Variants in KANSL2 observed in about 807,000 individuals in gnomAD.
The protein encoded by KANSL2 is KAT8 regulatory NSL complex subunit 2.
KANSL2 carries 34 observed loss-of-function variants against 55.6 expected under a neutral mutation model. That is an observed-to-expected ratio of 0.61 (90% CI 0.46 to 0.81). The LOEUF is 0.81. Among genes scored for constraint, KANSL2 ranks in the 40% least tolerant of loss-of-function variants. The pLI is 0.00. For synonymous variants in KANSL2, 209 were observed against 214.3 expected (o/e 0.98, Z 0.22); for missense variants, 502 against 609.9 (o/e 0.82, Z 1.86).
chr12:48,672,216 C>T (rs1939726145), intron 4 of KANSL2, among the ~76,000 whole-genome samples: 2 of 151,730 alleles, frequency 1.3e-5, no homozygotes, highest in South Asian at 4.2e-4. Flanking sequence ...CAGCTATTTG[C>T]ATTATGTTGA....
intron 7 of KANSL2, among the ~76,000 whole-genome samples, chr12:48,665,668 T>G (rs1360824660): frequency 6.6e-6 from 1 of 152,276 alleles, no homozygotes; most frequent in Non-Finnish European, 1.5e-5. Context: ...GTGCTTTTAC[T>G]GCGAAATTTT....
chr12:48,658,492 T>C (rs2081951664), intron 8 of KANSL2: 5 of 152,134 alleles, frequency 3.3e-5, no homozygotes. Flanking sequence ...CGATGTCTCA[T>C]GTCTATAATC....
At chr12:48,681,118 T>TAAA (rs1057233108) in intron 2 of KANSL2, 39 of 131,322 alleles carry the variant, frequency 3.0e-4, no homozygotes, top group African/African-American at 6.0e-4. Flanking sequence ...CCATCTCTCT[T>TAAA]AAAAAAAAAA....
chr12:48,676,953 G>C (rs1216040803), intron 4 of KANSL2, among the ~76,000 whole-genome samples: 1 of 151,970 alleles, frequency 6.6e-6, no homozygotes, highest in Non-Finnish European at 1.5e-5. Context: ...GGTGCCCTAA[G>C]ATAAAAATTC....
At chr12:48,662,410 C>CT in intron 7 of KANSL2, 51 of 910,146 alleles carry the variant, frequency 5.6e-5, no homozygotes, top group South Asian at 8.1e-5. Context: ...TGGCCAAGAA[C>CT]TTTTTTTTAT....
chr12:48,654,926 C>G lies in KANSL2; in HGVS notation c.1347+15G>C, dbSNP rs764316521. ...CACTACATGAGGGAAACAGGTGGGA[C>G]TGTTCTTCACTTGCCAAAATATCCA... On this transcript the variant is annotated intron_variant, in intron 9 of 9. Coordinates refer to ENST00000420613, the MANE Select transcript of KANSL2 (RefSeq NM_017822.4). The G allele has an allele frequency of 6.4e-7, 1 of 1,555,970 alleles. No individual in the cohort carries two copies. The highest frequency in any genetic ancestry group is 8.7e-7 in the Non-Finnish European group (1 of 1,149,360).
intron 4 of KANSL2, among the ~76,000 whole-genome samples, chr12:48,675,268 C>G (rs1320957961): frequency 6.6e-6 from 1 of 151,700 alleles, no homozygotes; most frequent in African/African-American, 2.4e-5. Context: ...TAGCCGGGCA[C>G]AGCGGCGTGC....
chr12:48,660,930 AAC>A (rs1166706375), intron 7 of KANSL2, among the ~76,000 whole-genome samples: 2 of 152,154 alleles, frequency 1.3e-5, no homozygotes, highest in African/African-American at 2.4e-5. Context: ...CACTCCTAGG[AAC>A]ACACACATAT....
At chr12:48,675,827 C>T (rs2137201164) in intron 4 of KANSL2, among the ~76,000 whole-genome samples, 1 of 152,260 alleles carries the variant, frequency 6.6e-6, no homozygotes, top group Non-Finnish European at 1.5e-5. Flanking sequence ...CTCTGGTATG[C>T]ACAAATTAAA....
intron 5 of KANSL2, among the ~76,000 whole-genome samples, chr12:48,669,823 C>A (rs1222245449): frequency 1.3e-5 from 2 of 151,372 alleles, no homozygotes; most frequent in Non-Finnish European, 2.9e-5. Context: ...CTGAAAAATT[C>A]TTATTGCCTA....
In KANSL2 at chr12:48,655,048, C is replaced by T. The variant is rs1345173760; in HGVS notation, c.1240G>A (p.Val414Met). 2 of 1,578,694 alleles carry T rather than the reference C, an allele frequency of 1.3e-6. No homozygotes were observed. Among genetic ancestry groups the T allele is most frequent in the East Asian group, 2.3e-5 (1 of 43,292 alleles). Residue 414 changes from valine to methionine, a missense_variant, in exon 9 of 10, where the codon GTG becomes ATG. By Grantham distance (21) the Val-to-Met change is conservative (BLOSUM62 1). Coordinates refer to ENST00000420613, the MANE Select transcript of KANSL2 (RefSeq NM_017822.4). ...PLEFSDDLDVVGDGMQCPPSP... is the reference protein window; with the variant it reads ...PLEFSDDLDVMGDGMQCPPSP... ...GGAGGACACTGCATACCATCACCCA[C>T]AACATCCAAGTCCTAGAAAAAAGAG...
In KANSL2 at chr12:48,662,731, A is replaced by T. The variant is rs1592099777; in HGVS notation, c.974-2112T>A. ...AAAGGAAAGAGCATAAAAGGAAAAA[A>T]AATACTTCCCTTCTCTTTTCAAATA... is the stretch of plus-strand genomic sequence containing the variant. On this transcript the variant is annotated intron_variant, in intron 7 of 9. Coordinates refer to ENST00000420613, the MANE Select transcript of KANSL2 (RefSeq NM_017822.4). 4 of 983,988 alleles carry T rather than the reference A, an allele frequency of 4.1e-6. No individual in the cohort carries two copies. The East Asian group carries it at 2.1e-4, about 51-fold the overall frequency. The allele number at this position is 983,988 out of a possible 1,614,324, so 61.0% of individuals were successfully genotyped here. A position where few individuals can be genotyped will look rare whatever the true frequency, so the allele number is the denominator to read the frequency against.
Position 48,679,771 on chromosome 12 carries a change from T to G in KANSL2, c.314A>C (p.Lys105Thr). The change falls in exon 3 of 10, where the codon AAG becomes ACG. Residue 105 changes from lysine (K) to threonine (T), a missense_variant. Lys to Thr is a moderately conservative substitution (Grantham distance 78). Coordinates refer to ENST00000420613, the MANE Select transcript of KANSL2 (RefSeq NM_017822.4). ...NALALHAQMKKTNPGPVGETL... is the reference protein window; with the variant it reads ...NALALHAQMKTTNPGPVGETL... ...TTCACCCACAGGCCCTGGGTTGGTC[T>G]TCTTCATTTGAGCATGAAGTGCCAG... 4.3e-6 allele frequency: 7 copies of G among 1,609,612 alleles called. No homozygotes were observed. Among genetic ancestry groups the G allele is most frequent in the South Asian group, 1.1e-5 (1 of 90,042 alleles).
At chr12:48,681,118 TAAAAAA>T (rs1057233108) in intron 2 of KANSL2, 3 of 131,362 alleles carry the variant, frequency 2.3e-5, no homozygotes, top group African/African-American at 3.7e-5. Context: ...CCATCTCTCT[TAAAAAA>T]AAAAAAAAAA....
chr12:48,663,227 G>A (rs529284133), intron 7 of KANSL2, among the ~76,000 whole-genome samples: 2 of 152,194 alleles, frequency 1.3e-5, no homozygotes, highest in African/African-American at 2.4e-5. Flanking sequence ...ATTCCCAGAG[G>A]TAAAAATTAC....
Position 48,669,278 on chromosome 12 carries a change from G to A in KANSL2, c.710-6C>T. 1 of 1,537,898 alleles carries A rather than the reference G, an allele frequency of 6.5e-7. No individual in the cohort carries two copies. Among genetic ancestry groups the A allele is most frequent in the Non-Finnish European group, 8.8e-7 (1 of 1,141,536 alleles). On this transcript the variant is annotated splice_region_variant and splice_polypyrimidine_tract_variant and intron_variant, in intron 5 of 9. Coordinates refer to ENST00000420613, the MANE Select transcript of KANSL2 (RefSeq NM_017822.4). ...GCCAGTCAGGAGACTACTGCCTAGA[G>A]TTACAAGAGTCAAGATGTTATTTGC... is the stretch of plus-strand genomic sequence containing the variant.
At chr12:48,665,049 C>G (rs1939568639) in intron 7 of KANSL2, among the ~76,000 whole-genome samples, 1 of 146,326 alleles carries the variant, frequency 6.8e-6, no homozygotes, top group Non-Finnish European at 1.5e-5. Flanking sequence ...TTTCTTTCTT[C>G]TTTTTCTTTA....
chr12:48,660,472 T>A lies in KANSL2; in HGVS notation c.1121A>T (p.Glu374Val). 6.2e-7 allele frequency: 1 copy of A among 1,613,846 alleles called. No homozygotes were observed. The highest frequency in any genetic ancestry group is 8.5e-7 in the Non-Finnish European group (1 of 1,179,860). ...FQLPPQMYKP[E>V]QVLSVPDDLE... ...ATCGTCTGGCACAGACAGTACCTGC[T>A]CGGGCTTATACATCTGAGGAGGCAA... The change falls in exon 8 of 10, where the codon GAG becomes GTG. Residue 374 changes from glutamate to valine, a missense_variant. Glu to Val is a moderately radical substitution (Grantham distance 121). Transcript: ENST00000420613.
At position 48,668,963 on chromosome 12, in the gene KANSL2, G is replaced by A. The variant is rs928015525; in HGVS notation, c.876+143C>T. ...AGGCAGGAGAATTGCTTGAAACTGG[G>A]AGGCAGAGGTTGAGAGATCTCAGTG... On this transcript the variant is annotated intron_variant, in intron 6 of 9. Coordinates refer to ENST00000420613, the MANE Select transcript of KANSL2 (RefSeq NM_017822.4). The A allele has an allele frequency of 1.1e-5, 6 of 536,612 alleles. No individual in the cohort carries two copies. The Admixed American group carries it at 1.3e-4, about 11-fold the overall frequency. The allele number at this position is 536,612 out of a possible 1,614,324, so 33.2% of individuals were successfully genotyped here. A position where few individuals can be genotyped will look rare whatever the true frequency, so the allele number is the denominator to read the frequency against.
Sources: allele counts gnomAD v4.1 joint callset (sites outside exome capture counted in the v4.1 genomes callset), GRCh38; gene constraint gnomAD v4.1.1; transcripts MANE v1.5; gene names NCBI Gene and HGNC (gene_info 2026-07-23, HGNC 2026-07-21).